The following LMAN2L variants were observed in gnomAD, a reference collection of about 807,000 sequenced individuals.
LMAN2L encodes lectin, mannose binding 2 like.
A neutral mutation model predicts 44.3 loss-of-function variants in LMAN2L; 30 were observed. The ratio of observed to expected loss-of-function variants is 0.68; its 90% CI spans 0.51 to 0.92. The LOEUF (loss-of-function observed/expected upper bound fraction) is 0.92, where lower values mean the gene tolerates loss of function less well. Ranked by LOEUF, LMAN2L falls within the 40% of genes least tolerant of loss-of-function variation. The pLI is 0.00. For missense variants in LMAN2L, 429 were observed against 446.1 expected, an observed-to-expected ratio of 0.96 and a Z score of 0.35; for synonymous variants, 183 against 171.1, an observed-to-expected ratio of 1.07 and a Z score of -0.54.
intron 4 of LMAN2L, among the ~76,000 whole-genome samples, chr2:96,714,130 T>C (rs1486538169): frequency 6.6e-6 from 1 of 152,170 alleles, no homozygotes; most frequent in Non-Finnish European, 1.5e-5. Context: ...TGAAAAATGC[T>C]ATAAGGAAAA....
At position 96,726,148 on chromosome 2, in the gene LMAN2L, A is replaced by G. The variant is rs575718094; in HGVS notation, c.507+7371T>C. Among the ~76,000 whole-genome samples, 33 of 151,670 alleles carry G rather than the reference A, an allele frequency of 2.2e-4. 1 individual carries two copies. The highest frequency in any genetic ancestry group is 2.2e-4 in the Non-Finnish European group (15 of 67,922). ...CTCCGTCTCAAAAAAGAAAAAAAAA[A>G]AGAAATAAACCTTTTTAATAATATT... On this transcript the variant is annotated intron_variant, in intron 4 of 7. Coordinates refer to ENST00000264963, the MANE Select transcript of LMAN2L (RefSeq NM_030805.4).
intron 4 of LMAN2L, among the ~76,000 whole-genome samples, chr2:96,723,817 G>C (rs1309687446): frequency 2.6e-5 from 4 of 152,112 alleles, no homozygotes; most frequent in African/African-American, 9.7e-5. Context: ...GACCGGGCAC[G>C]GTGGCTCACG....
chr2:96,717,792 T>C (rs1184413156), intron 4 of LMAN2L, among the ~76,000 whole-genome samples: 1 of 148,136 alleles, frequency 6.8e-6, no homozygotes, highest in Non-Finnish European at 1.5e-5. Context: ...TGGGCCAAGA[T>C]CGTGCCACTA....
chr2:96,733,450 T>A, intron 4 of LMAN2L, 69 bp downstream of exon 4: 2 of 1,178,852 alleles, frequency 1.7e-6, no homozygotes. Flanking sequence ...TTCCCTCCTG[T>A]ACAACATTCC....
At chr2:96,737,042 G>C (rs138558013) in intron 2 of LMAN2L, 10 of 397,714 alleles carry the variant, frequency 2.5e-5, no homozygotes, top group African/African-American at 2.0e-4. Context: ...GAATTCCAGA[G>C]AAAGTATCAA....
At chr2:96,708,217 A>G (rs981262323) in intron 6 of LMAN2L, among the ~76,000 whole-genome samples, 1 of 152,256 alleles carries the variant, frequency 6.6e-6, no homozygotes, top group Non-Finnish European at 1.5e-5. Context: ...GAGGCTGGGC[A>G]GCAGCAGTGA....
At position 96,707,223 on chromosome 2, in the gene LMAN2L, T is replaced by C. The variant is rs779558572; in HGVS notation, c.*33A>G. 2.4e-5 allele frequency: 39 copies of C among 1,608,684 alleles called. No homozygotes were observed. In the South Asian group the frequency reaches 4.1e-4, roughly 17 times the overall value. ...GCCTGCTCCTTCCATACCTCATGGG[T>C]GACAGTCACAAAAGTGGTGGCAGCA... On this transcript the variant is annotated 3_prime_UTR_variant, in exon 8 of 8. Coordinates refer to ENST00000264963, the MANE Select transcript of LMAN2L (RefSeq NM_030805.4).
At chr2:96,729,709 T>C (rs554204045) in intron 4 of LMAN2L, among the ~76,000 whole-genome samples, 248 of 152,240 alleles carry the variant, frequency 1.6e-3, no homozygotes, top group African/African-American at 2.9e-3. Flanking sequence ...GGTTTCACTA[T>C]GTTGGCCAGG....
In LMAN2L at chr2:96,734,462, T is replaced by C. The variant is rs1347744249; in HGVS notation, c.371A>G (p.Asn124Ser). The C allele has an allele frequency of 1.2e-6, 2 of 1,613,902 alleles. No individual in the cohort carries two copies. The highest frequency in any genetic ancestry group is 1.6e-4 in the Middle Eastern group (1 of 6,082). The change falls in exon 3 of 8, where the codon AAT becomes AGT. Residue 124 changes from asparagine (N) to serine (S), a missense_variant. Transcript: ENST00000264963. ...HFKIHGQGKKNLHGDGLAIWY... is the reference protein window; with the variant it reads ...HFKIHGQGKKSLHGDGLAIWY... ...GATTGCCAAGCCATCCCCATGCAGA[T>C]TCTTCTTTCCTTGTCCATGGATTTT... is the stretch of plus-strand genomic sequence containing the variant.
chr2:96,734,876 T>C (rs992310152), intron 2 of LMAN2L, among the ~76,000 whole-genome samples: 16 of 152,222 alleles, frequency 1.1e-4, no homozygotes, highest in African/African-American at 3.9e-4. Context: ...AGAGTACAGA[T>C]GGCTGAATTC....
At chr2:96,725,873 G>A (rs150263495) in intron 4 of LMAN2L, among the ~76,000 whole-genome samples, 152 of 151,962 alleles carry the variant, frequency 1.0e-3, no homozygotes, top group African/African-American at 3.4e-3. Flanking sequence ...GGTACCTCAC[G>A]CCTGTAATCC....
intron 4 of LMAN2L, among the ~76,000 whole-genome samples, chr2:96,728,809 T>C (rs1267737877): frequency 6.6e-6 from 1 of 151,318 alleles, no homozygotes; most frequent in African/African-American, 2.4e-5. Flanking sequence ...GAGGCGGAGG[T>C]TGCAGTGAGC....
chr2:96,737,304 T>C, intron 2 of LMAN2L: 3 of 365,564 alleles, frequency 8.2e-6, no homozygotes, highest in African/African-American at 2.2e-5. Flanking sequence ...ATCAGACTCT[T>C]CAAATTGAAA....
rs143220263 is a variant in LMAN2L at position 96,707,332 on chromosome 2, A to C, written c.971T>G (p.Phe324Cys). 6.2e-7 allele frequency: 1 copy of C among 1,614,002 alleles called. No individual in the cohort carries two copies. Among genetic ancestry groups the C allele is most frequent in the Non-Finnish European group, 8.5e-7 (1 of 1,179,994 alleles). Residue 324 changes from phenylalanine to cysteine, a missense_variant, in exon 8 of 8, where the codon TTT becomes TGT. Transcript: ENST00000264963. Reference protein sequence around the residue: ...LFLIVFFSLVFSVFAIVIGII... With the variant: ...LFLIVFFSLVCSVFAIVIGII... ...ACCAATGACTATGGCAAATACAGAA[A>C]ACACCAGGGAGAAAAAGACGATGAG...
intron 4 of LMAN2L, among the ~76,000 whole-genome samples, chr2:96,720,876 T>C (rs1411158473): frequency 6.6e-6 from 1 of 152,042 alleles, no homozygotes; most frequent in Non-Finnish European, 1.5e-5. Flanking sequence ...GAGATGGACG[T>C]TGCAGTGAGC....
intron 4 of LMAN2L, among the ~76,000 whole-genome samples, chr2:96,721,970 T>A (rs1313564012): frequency 6.6e-6 from 1 of 151,890 alleles, no homozygotes. Context: ...TTGTGTACTT[T>A]CTTTCTTTTT....
chr2:96,735,466 G>T (rs1056950046), intron 2 of LMAN2L, among the ~76,000 whole-genome samples: 1 of 152,290 alleles, frequency 6.6e-6, no homozygotes, highest in East Asian at 1.9e-4. Context: ...TTGAGCAAGG[G>T]GCCTGAAATC....
intron 4 of LMAN2L, among the ~76,000 whole-genome samples, chr2:96,718,978 C>T (rs1343616776): frequency 6.6e-6 from 1 of 152,128 alleles, no homozygotes; most frequent in Non-Finnish European, 1.5e-5. Context: ...GTCCTCAAAT[C>T]AAGTAATTTG....
chr2:96,708,404 C>T (rs1174710153), intron 6 of LMAN2L, among the ~76,000 whole-genome samples: 1 of 152,220 alleles, frequency 6.6e-6, no homozygotes, highest in East Asian at 1.9e-4. Context: ...TTAAGGTAGA[C>T]TAGGCTAAGC....
Sources: allele counts gnomAD v4.1 joint callset (sites outside exome capture counted in the v4.1 genomes callset), GRCh38; gene constraint gnomAD v4.1.1; transcripts MANE v1.5; gene names NCBI Gene and HGNC (gene_info 2026-07-23, HGNC 2026-07-21).